The following PCNX4 variants were observed in gnomAD, a reference collection of about 807,000 sequenced individuals.
The protein encoded by PCNX4 is pecanex-like protein 4.
A neutral mutation model predicts 107.2 loss-of-function variants in PCNX4; 103 were observed. That is an observed-to-expected ratio of 0.96 (90% confidence interval 0.82 to 1.13). The LOEUF is 1.13. Among genes scored for constraint, PCNX4 ranks in the 50% most tolerant of loss-of-function variants. PCNX4 has a pLI of 0.00. For missense variants in PCNX4, 1,528 were observed against 1,379.4 expected (o/e 1.11, Z -1.71); for synonymous variants, 541 against 481.7 (o/e 1.12, Z -1.61).
At position 60,140,862 on chromosome 14, in the gene PCNX4, A is replaced by G. The variant is rs1896298647; in HGVS notation, c.*6641A>G. 6.6e-6 allele frequency: 1 copy of G among 152,198 alleles called. No homozygotes were observed. The highest frequency in any genetic ancestry group is 1.5e-5 in the Non-Finnish European group (1 of 68,026). The allele number at this position is 152,198 out of a possible 1,614,324, so 9.4% of individuals were successfully genotyped here. Reference sequence around the variant, plus strand: ...GTATGCACATAAGATGTTCAGAGTCAGAGATAGATTTCTTATTACTCAGGG... The same window carrying G: ...GTATGCACATAAGATGTTCAGAGTCGGAGATAGATTTCTTATTACTCAGGG... On this transcript the variant is annotated 3_prime_UTR_variant, in exon 11 of 11. Transcript: ENST00000406854. This position sits in a 1 kb window ranked among gnomAD's most constrained non-coding sequence, Gnocchi z 4.2.
intron 1 of PCNX4, among the ~76,000 whole-genome samples, chr14:60,100,449 C>T (rs1895508643): frequency 6.6e-6 from 1 of 152,188 alleles, no homozygotes; most frequent in South Asian, 2.1e-4. Context: ...CAGGCACCCA[C>T]CACCATGCTT....
intron 10 of PCNX4, 80 bp downstream of exon 10, chr14:60,125,903 A>G: frequency 1.1e-6 from 1 of 895,310 alleles, no homozygotes; most frequent in South Asian, 3.0e-5. Flanking sequence ...GAACTAAGTG[A>G]TAAATGATAT....
intron 1 of PCNX4, among the ~76,000 whole-genome samples, chr14:60,102,967 C>T (rs1895560872): frequency 6.6e-6 from 1 of 152,254 alleles, no homozygotes; most frequent in Middle Eastern, 3.4e-3. Flanking sequence ...ATTTAAATGT[C>T]AAAGGTTACC....
intron 10 of PCNX4, among the ~76,000 whole-genome samples, chr14:60,127,818 A>G (rs1291737588): frequency 2.0e-5 from 3 of 152,244 alleles, no homozygotes; most frequent in Non-Finnish European, 4.4e-5. Flanking sequence ...TTAATAAAAG[A>G]TTTCATAGTA....
Position 60,145,573 on chromosome 14 carries a change from C to A in PCNX4, c.*11352C>A, listed in dbSNP as rs1896383838. ...CCTGTAATCCCAGCTACCCGGGAGGCTGAGGCAAGAGAATTGCTTGAATCC... is the reference window on the plus strand; with the variant it reads ...CCTGTAATCCCAGCTACCCGGGAGGATGAGGCAAGAGAATTGCTTGAATCC... On this transcript the variant is annotated 3_prime_UTR_variant, in exon 11 of 11. Transcript: ENST00000406854. This position sits in a 1 kb window ranked among gnomAD's most constrained non-coding sequence, Gnocchi z 4.0. 6.6e-6 allele frequency: 1 copy of A among 152,132 alleles called. No homozygotes were observed. The highest frequency in any genetic ancestry group is 1.5e-5 in the Non-Finnish European group (1 of 68,108). The allele number at this position is 152,132 out of a possible 1,614,324, so 9.4% of individuals were successfully genotyped here. A position where few individuals can be genotyped will look rare whatever the true frequency, so the allele number is the denominator to read the frequency against.
At position 60,135,094 on chromosome 14, in the gene PCNX4, A is replaced by G. The variant is rs1193353599; in HGVS notation, c.*873A>G. On this transcript the variant is annotated 3_prime_UTR_variant, in exon 11 of 11. Coordinates refer to ENST00000406854, the MANE Select transcript of PCNX4 (RefSeq NM_001330177.2). The stretch of plus-strand genomic sequence containing the variant: ...TATTTTCATTCTCTTCTTGCTTAGG[A>G]ACGTTTTACAGATACATGTAAGGGG... The G allele has an allele frequency of 6.6e-6, 1 of 152,206 alleles. No homozygotes were observed. The highest frequency in any genetic ancestry group is 1.5e-5 in the Non-Finnish European group (1 of 68,010). The allele number at this position is 152,206 out of a possible 1,614,324, so 9.4% of individuals were successfully genotyped here.
chr14:60,106,746 AACT>A (rs1895637164), intron 1 of PCNX4, among the ~76,000 whole-genome samples: 1 of 115,488 alleles, frequency 8.7e-6, no homozygotes, highest in South Asian at 2.8e-4. Flanking sequence ...ATTATTTTTA[AACT>A]GACTGGAAGA....
intron 8 of PCNX4, among the ~76,000 whole-genome samples, chr14:60,122,510 C>T (rs1266093043): frequency 6.6e-6 from 1 of 152,032 alleles, no homozygotes; most frequent in African/African-American, 2.4e-5. Context: ...TCAAATGTCA[C>T]CTCCTCAGTG....
intron 1 of PCNX4, among the ~76,000 whole-genome samples, chr14:60,103,620 C>T (rs1324646064): frequency 6.6e-6 from 1 of 152,238 alleles, no homozygotes; most frequent in African/African-American, 2.4e-5. Context: ...TCTGCTTTCA[C>T]TCAATTCTTG....
chr14:60,130,990 A>G (rs903188771), intron 10 of PCNX4, among the ~76,000 whole-genome samples: 2 of 151,948 alleles, frequency 1.3e-5, no homozygotes, highest in Admixed American at 1.3e-4. Flanking sequence ...TGATGGGATT[A>G]GTGCCCTTAT....
chr14:60,094,857 C>A (rs937910353), intron 1 of PCNX4, among the ~76,000 whole-genome samples: 6 of 149,052 alleles, frequency 4.0e-5, no homozygotes, highest in Non-Finnish European at 5.9e-5. Flanking sequence ...CATTTTGCCA[C>A]TAACTGACAT....
At chr14:60,097,697 G>C (rs188917126) in intron 1 of PCNX4, among the ~76,000 whole-genome samples, 1 of 152,316 alleles carries the variant, frequency 6.6e-6, no homozygotes, top group African/African-American at 2.4e-5. Flanking sequence ...ACAGATTCTT[G>C]GTTTGGGAGC....
chr14:60,124,261 G>T lies in PCNX4; in HGVS notation c.2090G>T (p.Arg697Leu). The change falls in exon 9 of 11, where the codon CGC (arginine) becomes CTC (leucine). Residue 697 changes from arginine to leucine, a missense_variant. By Grantham distance (102) the Arg-to-Leu change is moderately radical. Transcript: ENST00000406854. ...ACATCCTGTCATACTGCAGAAGCTC[G>T]CAGAGTTGATGAAGTTTTTGAAGAT... The part of the protein sequence containing the change: ...QETSCHTAEA[R>L]RVDEVFEDAF... The T allele has an allele frequency of 1.2e-6, 2 of 1,602,246 alleles. No individual in the cohort carries two copies. The highest frequency in any genetic ancestry group is 8.5e-7 in the Non-Finnish European group (1 of 1,173,824).
rs1896020778 is a variant in PCNX4 at position 60,124,801 on chromosome 14, A to T, written c.2630A>T (p.Lys877Ile). 6.2e-7 allele frequency: 1 copy of T among 1,613,668 alleles called. No individual in the cohort carries two copies. The highest frequency in any genetic ancestry group is 1.7e-5 in the Admixed American group (1 of 60,010). The change falls in exon 9 of 11, where the codon AAA (lysine) becomes ATA (isoleucine). Residue 877 changes from lysine to isoleucine, a missense_variant. By Grantham distance (102) the Lys-to-Ile change is moderately radical. Transcript: ENST00000406854. ...TGTVPENDLY[K>I]AVLLGYPAVD... ...ACTGTTCCTGAAAACGATCTTTACA[A>T]AGCAGTTCTATTAGGATACCCTGCT...
chr14:60,108,130 C>G lies in PCNX4; in HGVS notation c.492C>G (p.Thr164=). The G allele has an allele frequency of 6.2e-7, 1 of 1,612,822 alleles. No individual in the cohort carries two copies. The highest frequency in any genetic ancestry group is 1.1e-5 in the South Asian group (1 of 91,080). Residue 164 remains threonine, a synonymous_variant, in exon 2 of 11, where the codon ACC becomes ACG. Coordinates refer to ENST00000406854, the MANE Select transcript of PCNX4 (RefSeq NM_001330177.2). ...GTWYLLPNRI[T]LLYGSTGGTA... ...GGTATCTGCTCCCAAATAGAATAAC[C>G]TTGCTGTATGGCAGTACAGGAGGCA...
intron 1 of PCNX4, among the ~76,000 whole-genome samples, chr14:60,094,679 C>A (rs1895386301): frequency 6.6e-6 from 1 of 151,986 alleles, no homozygotes; most frequent in Admixed American, 6.5e-5. Context: ...AAGTCCCCAG[C>A]CTGTGAACGG....
At position 60,118,347 on chromosome 14, in the gene PCNX4, C is replaced by A. The variant is rs751038052; in HGVS notation, c.1597C>A (p.Arg533Ser). The A allele has an allele frequency of 1.9e-6, 3 of 1,610,242 alleles. No individual in the cohort carries two copies. Among genetic ancestry groups the A allele is most frequent in the Admixed American group, 1.7e-5 (1 of 59,544 alleles). ...TCTACAGGTTGGTATCATACGTGAT[C>A]GTTTGATTCAGTTCATCTCTAAATT... ...RLLLVGIIRDRLIQFISKLQF... is the reference protein window; with the variant it reads ...RLLLVGIIRDSLIQFISKLQF... The change falls in exon 7 of 11, where the codon CGT becomes AGT. Residue 533 changes from arginine (R) to serine (S), a missense_variant. Arg to Ser is a moderately radical substitution (Grantham distance 110). Transcript: ENST00000406854.
intron 1 of PCNX4, among the ~76,000 whole-genome samples, chr14:60,098,141 G>A (rs191820835): frequency 4.6e-5 from 7 of 152,046 alleles, no homozygotes; most frequent in African/African-American, 1.4e-4. Flanking sequence ...AACCCCTCCC[G>A]GACCAGAGAC....
chr14:60,103,925 G>T (rs138224200), intron 1 of PCNX4, among the ~76,000 whole-genome samples: 2 of 152,124 alleles, frequency 1.3e-5, no homozygotes, highest in East Asian at 1.9e-4. Context: ...GCATTATTCC[G>T]TAAAAAATAA....
Sources: gnomAD v4.1 joint callset for allele counts (sites outside exome capture counted in the v4.1 genomes callset) on GRCh38, gnomAD v4.1.1 for gene constraint, Gnocchi (gnomAD v3.1) non-coding constraint, MANE v1.5 for transcripts, NCBI Gene and HGNC (gene_info 2026-07-23, HGNC 2026-07-21) for gene names.